Variants in FHDC1 observed in about 807,000 individuals in gnomAD.
The protein encoded by FHDC1 is FH2 domain containing 1, also known as FH2 domain-containing protein 1.
In FHDC1, 25 loss-of-function variants were observed where a neutral mutation model predicts 52.6. The ratio of observed to expected loss-of-function variants is 0.48; its 90% CI spans 0.35 to 0.66. The LOEUF is 0.66. Ranked by LOEUF, FHDC1 falls within the 30% of genes least tolerant of loss-of-function variation. FHDC1 has a pLI of 0.01. For synonymous variants in FHDC1, 616 were observed against 581.5 expected, an observed-to-expected ratio of 1.06 and a Z score of -0.85; for missense variants, 1,459 against 1,452.8, an observed-to-expected ratio of 1.00 and a Z score of -0.07.
intron 2 of FHDC1, among the ~76,000 whole-genome samples, chr4:152,948,912 A>T (rs768384344): frequency 1.1e-4 from 16 of 151,576 alleles, no homozygotes; most frequent in Non-Finnish European, 2.4e-4. Context: ...ATTTAGTGAG[A>T]CCCCCATCTC....
the FHDC1 span, among the ~76,000 whole-genome samples, chr4:152,919,306 A>T: frequency 6.6e-6 from 1 of 152,248 alleles, no homozygotes; most frequent in Non-Finnish European, 1.5e-5. Context: ...CATACAAATC[A>T]TAAGGAGTGA....
upstream of FHDC1, among the ~76,000 whole-genome samples, chr4:152,932,343 G>A (rs1284940526): frequency 6.6e-6 from 1 of 152,028 alleles, no homozygotes; most frequent in Non-Finnish European, 1.5e-5. Context: ...GGAGACTGAG[G>A]TAGGAGAATG....
At chr4:152,933,424 G>A (rs1222601326), upstream of FHDC1, among the ~76,000 whole-genome samples, 1 of 152,116 alleles carries the variant, frequency 6.6e-6, no homozygotes, top group Non-Finnish European at 1.5e-5. Flanking sequence ...CACATCCTAT[G>A]TACAATTTGA....
the FHDC1 span, chr4:152,928,195 C>A: frequency 1.3e-6 from 1 of 773,390 alleles, no homozygotes. Flanking sequence ...CCAATACCTT[C>A]CTTGAGGCCC....
chr4:152,949,121 TAATAAGAAGAAGAAGAAGAAGAAG>T (rs1357002997), intron 2 of FHDC1, among the ~76,000 whole-genome samples: 5,553 of 65,118 alleles, frequency 0.085, 138 homozygotes, highest in East Asian at 0.17. Context: ...ATAATAATAA[TAATAAGAAGAAGAAGAAGAAGAAG>T]AAGAAGAAGA....
Position 152,974,885 on chromosome 4 carries a change from C to G in FHDC1, c.1594C>G (p.Arg532Gly), listed in dbSNP as rs768983241. ...RPISPSSPSY[R>G]PPNTRRSRLS... Reference sequence around the variant, plus strand: ...CATCAGCCCCTCCAGCCCCTCCTACCGGCCCCCGAACACCCGCCGCTCCCG... The same window carrying G: ...CATCAGCCCCTCCAGCCCCTCCTACGGGCCCCCGAACACCCGCCGCTCCCG... Residue 532 changes from arginine (R) to glycine (G), a missense_variant, in exon 12 of 12, where the codon CGG becomes GGG. This residue lies in a region of FHDC1 where 939 missense variants were observed against 854.5 expected (regional missense o/e 1.10). Transcript: ENST00000511601. The G allele has an allele frequency of 1.9e-6, 3 of 1,606,748 alleles. No homozygotes were observed. Among genetic ancestry groups the G allele is most frequent in the Non-Finnish European group, 2.5e-6 (3 of 1,177,702 alleles).
the FHDC1 span, among the ~76,000 whole-genome samples, chr4:152,917,712 T>C: frequency 1.3e-5 from 2 of 152,310 alleles, no homozygotes; most frequent in East Asian, 1.9e-4. Context: ...TAAACAGTCA[T>C]GAGTATTTGC....
chr4:152,933,729 CAA>C (rs70949623), upstream of FHDC1, among the ~76,000 whole-genome samples: 6 of 60,802 alleles, frequency 9.9e-5, no homozygotes, highest in South Asian at 6.1e-4. Context: ...GACCCCGTCT[CAA>C]AAAAAAAAAA....
At chr4:152,921,399 T>G in the FHDC1 span, among the ~76,000 whole-genome samples, 2 of 152,108 alleles carry the variant, frequency 1.3e-5, no homozygotes, top group Non-Finnish European at 2.9e-5. Context: ...ATCACATTTA[T>G]CTAATTAATT....
Position 152,975,122 on chromosome 4 carries a change from GCCC to G in FHDC1, c.1834_1836del (p.Pro612del). 2 of 1,612,682 alleles carry G rather than the reference GCCC, an allele frequency of 1.2e-6. No homozygotes were observed. Among genetic ancestry groups the G allele is most frequent in the Non-Finnish European group, 1.7e-6 (2 of 1,179,996 alleles). On this transcript the variant is annotated inframe_deletion, in exon 12 of 12. Transcript: ENST00000511601. Reference sequence around the variant, plus strand: ...TCAGGCCTCGGGGGGCCAGGAGGAGGCCCCCAACCCACCCTCAGCACAGGCGCA... The same window carrying G: ...TCAGGCCTCGGGGGGCCAGGAGGAGGCCAACCCACCCTCAGCACAGGCGCA...
In FHDC1 at chr4:152,979,629, C is replaced by A. The variant is rs185742667; in HGVS notation, c.*2906C>A. The A allele has an allele frequency of 2.6e-5, 4 of 152,302 alleles. No individual in the cohort carries two copies. Among genetic ancestry groups the A allele is most frequent in the African/African-American group, 7.2e-5 (3 of 41,556 alleles). 9.4% of individuals were successfully genotyped at this position (152,302 alleles called of 1,614,324 possible). A position where few individuals can be genotyped will look rare whatever the true frequency, so the allele number is the denominator to read the frequency against. ...GTATTTAATGGTCCATTTATATGTT[C>A]TTTTATGTAACATGTAGTTTAATAA... On this transcript the variant is annotated 3_prime_UTR_variant, in exon 12 of 12. Transcript: ENST00000511601.
At chr4:152,968,947 G>A (rs1434736827) in intron 10 of FHDC1, among the ~76,000 whole-genome samples, 1 of 152,128 alleles carries the variant, frequency 6.6e-6, no homozygotes, top group Non-Finnish European at 1.5e-5. Flanking sequence ...GTCAACACCA[G>A]GAGTACGCAG....
intron 9 of FHDC1, among the ~76,000 whole-genome samples, chr4:152,967,656 G>A (rs1393094891): frequency 2.0e-5 from 3 of 152,144 alleles, no homozygotes; most frequent in Non-Finnish European, 4.4e-5. Context: ...GAAGCCGCTG[G>A]CATTTAGTTT....
Position 152,972,473 on chromosome 4 carries a change from A to C in FHDC1, c.1315A>C (p.Thr439Pro). The C allele has an allele frequency of 6.2e-7, 1 of 1,614,108 alleles. No homozygotes were observed. Among genetic ancestry groups the C allele is most frequent in the Non-Finnish European group, 8.5e-7 (1 of 1,180,014 alleles). The change falls in exon 11 of 12, where the codon ACC (threonine) becomes CCC (proline). Residue 439 changes from threonine to proline, a missense_variant. Coordinates refer to ENST00000511601, the MANE Select transcript of FHDC1 (RefSeq NM_001371116.1). ...AGATTTTTTCTGTGAAGACAAAAAAACCATGAAACTGGATGAATGCTTTCA... is the reference window on the plus strand; with the variant it reads ...AGATTTTTTCTGTGAAGACAAAAAACCCATGAAACTGGATGAATGCTTTCA... ...LIDFFCEDKK[T>P]MKLDECFQIF...
At chr4:152,963,153 TAGAG>T (rs1740336386) in intron 8 of FHDC1, 23 bp downstream of exon 8, 1 of 1,601,198 alleles carries the variant, frequency 6.2e-7, no homozygotes. Flanking sequence ...GATTAGGACT[TAGAG>T]AACGCATATG....
the FHDC1 span, among the ~76,000 whole-genome samples, chr4:152,924,961 GTAAC>G: frequency 6.6e-6 from 1 of 151,290 alleles, no homozygotes; most frequent in African/African-American, 2.4e-5. Flanking sequence ...GTATACATAT[GTAAC>G]TAACCTGCAC....
chr4:152,936,606 T>C (rs62320601), intron 1 of FHDC1, among the ~76,000 whole-genome samples, 197 bp downstream of exon 1: 7,389 of 152,222 alleles, frequency 0.049, 230 homozygotes, highest in South Asian at 0.11. Flanking sequence ...GAGGTTCCAG[T>C]TCCCTCCACA....
chr4:152,911,825 T>C, the FHDC1 span: 1 of 152,614 alleles, frequency 6.6e-6, no homozygotes, highest in Non-Finnish European at 1.5e-5. Flanking sequence ...CCAGCAGAAT[T>C]ACTACTTGTG....
intron 8 of FHDC1, among the ~76,000 whole-genome samples, 178 bp downstream of exon 8, chr4:152,963,308 C>T (rs912430643): frequency 2.0e-5 from 3 of 152,112 alleles, no homozygotes; most frequent in Non-Finnish European, 4.4e-5. Context: ...GCACCCAGGG[C>T]TATAGGGCTG....
Sources: allele counts gnomAD v4.1 joint callset (sites outside exome capture counted in the v4.1 genomes callset), GRCh38; gene constraint gnomAD v4.1.1; regional missense constraint gnomAD v4.1.1; transcripts MANE v1.5; gene names NCBI Gene and HGNC (gene_info 2026-07-23, HGNC 2026-07-21).